Variants in TMEM132D observed in about 807,000 individuals in gnomAD.
TMEM132D encodes mature OL transmembrane protein.
Under a neutral mutation model 62.3 loss-of-function variants are expected in TMEM132D, and 21 were observed. That is an observed-to-expected ratio of 0.34 (90% confidence interval 0.24 to 0.49). The LOEUF is 0.49. TMEM132D is among the 20% of genes least tolerant of loss of function. TMEM132D has a pLI of 0.99. For synonymous variants in TMEM132D, 621 were observed against 575.6 expected, an observed-to-expected ratio of 1.08 and a Z score of -1.13; for missense variants, 1,346 against 1,402.8, an observed-to-expected ratio of 0.96 and a Z score of 0.65.
chr12:129,728,818 G>A (rs971618992), intron 1 of TMEM132D, among the ~76,000 whole-genome samples: 12 of 152,108 alleles, frequency 7.9e-5, no homozygotes, highest in African/African-American at 2.7e-4. Flanking sequence ...TCAGTGCTTC[G>A]GAAGAAACCA....
At chr12:129,540,965 T>C (rs1434497093) in intron 2 of TMEM132D, among the ~76,000 whole-genome samples, 1 of 152,220 alleles carries the variant, frequency 6.6e-6, no homozygotes, top group African/African-American at 2.4e-5. Flanking sequence ...TGCTCCCTCT[T>C]TTCATATACT....
intron 1 of TMEM132D, among the ~76,000 whole-genome samples, chr12:129,732,419 C>A (rs1438882403): frequency 6.6e-6 from 1 of 152,174 alleles, no homozygotes; most frequent in Admixed American, 6.5e-5. Flanking sequence ...GTTGAATTGG[C>A]ATCCCCAGTG....
intron 1 of TMEM132D, among the ~76,000 whole-genome samples, chr12:129,712,345 C>G (rs1319534914): frequency 6.6e-6 from 1 of 152,098 alleles, no homozygotes; most frequent in Non-Finnish European, 1.5e-5. Context: ...AGGATGGTCT[C>G]GATCTCCTGA....
intron 4 of TMEM132D, among the ~76,000 whole-genome samples, chr12:129,300,090 C>T (rs1427897482): frequency 6.6e-6 from 1 of 152,154 alleles, no homozygotes; most frequent in African/African-American, 2.4e-5. Context: ...AAAGGAGATT[C>T]TTGGAATGGT....
At chr12:129,212,579 G>C (rs2135568754) in intron 4 of TMEM132D, 1 of 152,324 alleles carries the variant, frequency 6.6e-6, no homozygotes, top group African/African-American at 2.4e-5. Context: ...ACCCTTGAAA[G>C]CTCAGCTTCC....
At position 129,074,293 on chromosome 12, in the gene TMEM132D, G is replaced by C. The variant is rs1874174351; in HGVS notation, c.2882C>G (p.Ser961Cys). 3.7e-6 allele frequency: 6 copies of C among 1,614,090 alleles called. No individual in the cohort carries two copies. Among genetic ancestry groups the C allele is most frequent in the Non-Finnish European group, 5.1e-6 (6 of 1,180,038 alleles). Reference sequence around the variant, plus strand: ...GTTGCTTAACCCAACCCAGTCATGAGAGTGACTCATCCCTTCCTGCTCCTC... The same window carrying C: ...GTTGCTTAACCCAACCCAGTCATGACAGTGACTCATCCCTTCCTGCTCCTC... ...PFEEQEGMSHSHDWVGLSNRT... is the reference protein window; with the variant it reads ...PFEEQEGMSHCHDWVGLSNRT... The change falls in exon 9 of 9, where the codon TCT (serine) becomes TGT (cysteine). Residue 961 changes from serine to cysteine, a missense_variant. Ser to Cys is a moderately radical substitution (Grantham distance 112). Transcript: ENST00000422113.
chr12:129,465,197 A>G (rs1873844193), intron 3 of TMEM132D, among the ~76,000 whole-genome samples: 1 of 152,166 alleles, frequency 6.6e-6, no homozygotes, highest in South Asian at 2.1e-4. Context: ...GTCCCTTGTA[A>G]TTTGGATTCC....
At chr12:129,087,631 G>T (rs1160578321) in intron 5 of TMEM132D, among the ~76,000 whole-genome samples, 1 of 152,142 alleles carries the variant, frequency 6.6e-6, no homozygotes, top group Non-Finnish European at 1.5e-5. Context: ...GAAAACGCGA[G>T]GAAGCAGATT....
In TMEM132D at chr12:129,901,073, C is replaced by G. The variant is rs1019072605; in HGVS notation, c.79+2188G>C. On this transcript the variant is annotated intron_variant, in intron 1 of 8. Transcript: ENST00000422113. ...AAAATTCCTATTTGGAAAGACAATA[C>G]AGTAGAAATGATAATATGTGGAAAC... Among the ~76,000 whole-genome samples, 5 of 152,092 alleles carry G rather than the reference C, an allele frequency of 3.3e-5. No individual in the cohort carries two copies. In the East Asian group the frequency reaches 9.7e-4, roughly 29 times the overall value.
Position 129,527,819 on chromosome 12 carries a change from ACATT to A in TMEM132D, c.1115+3236_1115+3239del, listed in dbSNP as rs1187633911. Reference sequence around the variant, plus strand: ...CAAAACAGATCTGATAGCTGGGGTAACATTCACATGTTCATACTGTTATGATCAG... The same window carrying A: ...CAAAACAGATCTGATAGCTGGGGTAACACATGTTCATACTGTTATGATCAG... On this transcript the variant is annotated intron_variant, in intron 3 of 8. Coordinates refer to ENST00000422113, the MANE Select transcript of TMEM132D (RefSeq NM_133448.3). 3.3e-5 allele frequency among the ~76,000 whole-genome samples: 5 copies of A among 152,242 alleles called. No homozygotes were observed. In the East Asian group the frequency reaches 9.6e-4, roughly 29 times the overall value.
At chr12:129,585,424 C>T (rs1307866244) in intron 2 of TMEM132D, among the ~76,000 whole-genome samples, 1 of 152,178 alleles carries the variant, frequency 6.6e-6, no homozygotes, top group African/African-American at 2.4e-5. Context: ...TTTTTCAACA[C>T]ATTTGAAAGT....
intron 2 of TMEM132D, among the ~76,000 whole-genome samples, chr12:129,534,608 T>C (rs1235360076): frequency 6.6e-6 from 1 of 152,144 alleles, no homozygotes; most frequent in Non-Finnish European, 1.5e-5. Flanking sequence ...AGCAGTATCT[T>C]CATTTTGCTT....
In TMEM132D at chr12:129,541,523, G is replaced by A. The variant is rs78236942; in HGVS notation, c.969-10318C>T. On this transcript the variant is annotated intron_variant, in intron 2 of 8. Coordinates refer to ENST00000422113, the MANE Select transcript of TMEM132D (RefSeq NM_133448.3). ...CAGAAATGGATGGCTAAATTGGGAG[G>A]GGATGGCGAGAGAGGGTAGAGGGAC... Among the ~76,000 whole-genome samples the A allele has an allele frequency of 6.4e-4, 98 of 152,282 alleles. 1 individual carries two copies. The East Asian group carries it at 0.018, about 28-fold the overall frequency.
At position 129,369,269 on chromosome 12, in the gene TMEM132D, C is replaced by CACG. The variant is rs573757290; in HGVS notation, c.1116-31455_1116-31453dup. ...AGCTGGGAAAATAACGTGTGTCTTCCACGACAGAAGGTGACAAAGAGCTCA... is the reference window on the plus strand; with the variant it reads ...AGCTGGGAAAATAACGTGTGTCTTCCACGACGACAGAAGGTGACAAAGAGCTCA... On this transcript the variant is annotated intron_variant, in intron 3 of 8. Transcript: ENST00000422113. 1.5e-3 allele frequency among the ~76,000 whole-genome samples: 233 copies of CACG among 152,262 alleles called. 1 individual carries two copies. Among genetic ancestry groups the CACG allele is most frequent in the African/African-American group, 5.2e-3 (218 of 41,558 alleles).
intron 4 of TMEM132D, among the ~76,000 whole-genome samples, chr12:129,308,218 C>A (rs1268539138): frequency 6.6e-6 from 1 of 152,172 alleles, no homozygotes. Flanking sequence ...CTGTTTGATA[C>A]CTGCAATTTT....
At chr12:129,707,922 T>C (rs1002010624) in intron 1 of TMEM132D, among the ~76,000 whole-genome samples, 1 of 152,082 alleles carries the variant, frequency 6.6e-6, no homozygotes, top group African/African-American at 2.4e-5. Context: ...ACTGTAAGTA[T>C]GAAATAAAAC....
intron 1 of TMEM132D, among the ~76,000 whole-genome samples, chr12:129,732,477 C>T (rs986038007): frequency 2.0e-5 from 3 of 152,160 alleles, no homozygotes; most frequent in African/African-American, 7.2e-5. Context: ...GGGGCCGATG[C>T]CTCAGAGCTT....
chr12:129,340,117 T>G lies in TMEM132D; in HGVS notation c.1116-2300A>C, dbSNP rs191009628. 8.4e-3 allele frequency among the ~76,000 whole-genome samples: 1,279 copies of G among 152,278 alleles called. 7 individuals carry two copies. Among genetic ancestry groups the G allele is most frequent in the Non-Finnish European group, 0.014 (984 of 68,026 alleles). On this transcript the variant is annotated intron_variant, in intron 3 of 8. Transcript: ENST00000422113. ...ATAATACCCTTCAATTAATAGAAGG[T>G]AATAAGTGCTCCCTTTACTTCATCT...
At chr12:129,127,181 A>G (rs1437122037) in intron 5 of TMEM132D, among the ~76,000 whole-genome samples, 1 of 152,070 alleles carries the variant, frequency 6.6e-6, no homozygotes, top group Non-Finnish European at 1.5e-5. Context: ...CAAAGCACAC[A>G]TTTTCTTGAT....
Sources: allele counts gnomAD v4.1 joint callset (sites outside exome capture counted in the v4.1 genomes callset), GRCh38; gene constraint gnomAD v4.1.1; transcripts MANE v1.5; gene names NCBI Gene and HGNC (gene_info 2026-07-23, HGNC 2026-07-21).